Variants in DPP10 observed in about 807,000 individuals in gnomAD.
DPP10 encodes the protein dipeptidyl peptidase like 10, also known as inactive dipeptidyl peptidase 10.
A neutral mutation model predicts 120.9 loss-of-function variants in DPP10; 33 were observed. The observed-to-expected ratio is 0.27, with a 90% CI of 0.21 to 0.37. The LOEUF (loss-of-function observed/expected upper bound fraction) is 0.37, where lower values mean the gene tolerates loss of function less well. DPP10 is among the 10% of genes least tolerant of loss of function. DPP10 has a pLI of 1.00. For missense variants in DPP10, 816 were observed against 942.8 expected (o/e 0.87, Z 1.76); for synonymous variants, 337 against 326.1 (o/e 1.03, Z -0.36).
chr2:115,670,902 G>A (rs2089824170), intron 5 of DPP10, among the ~76,000 whole-genome samples: 1 of 151,926 alleles, frequency 6.6e-6, no homozygotes, highest in African/African-American at 2.4e-5. Context: ...GGATGAACAG[G>A]CAAAAAATTG....
At chr2:115,103,001 T>G (rs2048767839) in intron 1 of DPP10, among the ~76,000 whole-genome samples, 1 of 152,200 alleles carries the variant, frequency 6.6e-6, no homozygotes, top group South Asian at 2.1e-4. Context: ...GTTCTTGTTA[T>G]GTTAGAAATA....
At chr2:115,320,568 T>G (rs2062010404) in intron 2 of DPP10, among the ~76,000 whole-genome samples, 1 of 152,098 alleles carries the variant, frequency 6.6e-6, no homozygotes, top group Admixed American at 6.6e-5. Flanking sequence ...TTGAACTAAT[T>G]TTATCTTATG....
rs191370649 is a variant in DPP10, at chr2:114,709,165, G to T, written c.60+266327G>T. 5.5e-3 allele frequency among the ~76,000 whole-genome samples: 838 copies of T among 152,288 alleles called. 16 individuals carry two copies. The highest frequency in any genetic ancestry group is 3.7e-3 in the Non-Finnish European group (255 of 68,026). On this transcript the variant is annotated intron_variant, in intron 1 of 25. Transcript: ENST00000410059. Reference sequence around the variant, plus strand: ...GCTGCTTGCATTTGACCAAAGGGAGGCATTGGCAGGAGATTGGAGGGAAGA... The same window carrying T: ...GCTGCTTGCATTTGACCAAAGGGAGTCATTGGCAGGAGATTGGAGGGAAGA...
intron 24 of DPP10, among the ~76,000 whole-genome samples, chr2:115,837,216 G>A (rs1304876271): frequency 1.3e-5 from 2 of 152,170 alleles, no homozygotes; most frequent in African/African-American, 4.8e-5. Flanking sequence ...CCGCTTAAAT[G>A]AACTTAAAAA....
At chr2:115,288,567 A>C (rs1559369767) in intron 1 of DPP10, among the ~76,000 whole-genome samples, 1 of 151,856 alleles carries the variant, frequency 6.6e-6, no homozygotes, top group African/African-American at 2.4e-5. Flanking sequence ...AAAAAAATAT[A>C]AAAATTAGCC....
At chr2:115,320,020 G>T (rs373544980) in intron 2 of DPP10, among the ~76,000 whole-genome samples, 1 of 152,142 alleles carries the variant, frequency 6.6e-6, no homozygotes, top group Admixed American at 6.5e-5. Context: ...TATGAATTTG[G>T]AAGGGGAATA....
intron 7 of DPP10, among the ~76,000 whole-genome samples, chr2:115,714,943 C>A (rs1385769966): frequency 1.3e-5 from 2 of 150,740 alleles, no homozygotes; most frequent in East Asian, 3.9e-4. Context: ...GGCTGGAGAA[C>A]CATTTGACCT....
At chr2:115,721,818 G>T (rs1056828400) in intron 7 of DPP10, among the ~76,000 whole-genome samples, 1 of 152,140 alleles carries the variant, frequency 6.6e-6, no homozygotes, top group Non-Finnish European at 1.5e-5. Context: ...GTTCATTGCA[G>T]CCCTATTCAC....
chr2:115,780,534 C>G (rs1469366113), intron 15 of DPP10, among the ~76,000 whole-genome samples: 1 of 151,688 alleles, frequency 6.6e-6, no homozygotes, highest in Non-Finnish European at 1.5e-5. Flanking sequence ...CCCTTTAAGA[C>G]TTTACACAGA....
At chr2:115,116,348 TTATC>T (rs1401683284) in intron 1 of DPP10, among the ~76,000 whole-genome samples, 1 of 152,186 alleles carries the variant, frequency 6.6e-6, no homozygotes, top group African/African-American at 2.4e-5. Flanking sequence ...CGCTAATTAT[TTATC>T]TATCTTTATA....
At chr2:114,461,239 G>A (rs1397714937) in intron 1 of DPP10, among the ~76,000 whole-genome samples, 1 of 152,142 alleles carries the variant, frequency 6.6e-6, no homozygotes, top group Admixed American at 6.5e-5. Context: ...TGTGAAGTTA[G>A]GAATTGGCTA....
chr2:115,607,736 G>T (rs1287432558), intron 5 of DPP10, among the ~76,000 whole-genome samples: 1 of 152,014 alleles, frequency 6.6e-6, no homozygotes, highest in East Asian at 1.9e-4. Flanking sequence ...ACAGTACATG[G>T]TCCAAGATGT....
At chr2:115,103,080 A>G (rs2048772219) in intron 1 of DPP10, among the ~76,000 whole-genome samples, 1 of 152,198 alleles carries the variant, frequency 6.6e-6, no homozygotes, top group Non-Finnish European at 1.5e-5. Flanking sequence ...GAACTCTAAA[A>G]CAGAAATAAC....
chr2:115,495,386 G>A (rs1299660117), intron 3 of DPP10, among the ~76,000 whole-genome samples: 527 of 37,082 alleles, frequency 0.014, 1 homozygote, highest in East Asian at 0.026. Context: ...AAAAAAAAAA[G>A]TTTTTCGTTC....
chr2:115,141,405 C>T (rs190130978), intron 1 of DPP10, among the ~76,000 whole-genome samples: 19 of 152,220 alleles, frequency 1.2e-4, no homozygotes, highest in African/African-American at 3.1e-4. Flanking sequence ...GACACATTTT[C>T]GATGTGGAAA....
intron 1 of DPP10, among the ~76,000 whole-genome samples, chr2:115,022,598 G>A (rs1486714429): frequency 6.6e-6 from 1 of 151,946 alleles, no homozygotes; most frequent in African/African-American, 2.4e-5. Context: ...TAGATTGAAT[G>A]TAATTTCCAT....
chr2:115,322,826 G>A (rs1016407545), intron 2 of DPP10, among the ~76,000 whole-genome samples: 6 of 151,980 alleles, frequency 3.9e-5, no homozygotes, highest in South Asian at 4.2e-4. Flanking sequence ...GTGTGCAATC[G>A]CATTATGTAT....
At chr2:115,422,846 A>C (rs970091801) in intron 3 of DPP10, among the ~76,000 whole-genome samples, 2 of 152,132 alleles carry the variant, frequency 1.3e-5, no homozygotes, top group Admixed American at 6.5e-5. Context: ...AAAACTTTTT[A>C]ATATCTACAT....
At chr2:114,790,680 A>G (rs1460463803) in intron 1 of DPP10, among the ~76,000 whole-genome samples, 1 of 151,996 alleles carries the variant, frequency 6.6e-6, no homozygotes, top group Non-Finnish European at 1.5e-5. Flanking sequence ...GGGGTTCGCA[A>G]GGTGCTCAGT....
Sources: gnomAD v4.1 joint callset for allele counts (sites outside exome capture counted in the v4.1 genomes callset) on GRCh38, gnomAD v4.1.1 for gene constraint, MANE v1.5 for transcripts, NCBI Gene and HGNC (gene_info 2026-07-23, HGNC 2026-07-21) for gene names.